Variants in PIP observed in about 807,000 individuals in gnomAD.
PIP encodes the protein prolactin induced protein, also known as prolactin-inducible protein.
PIP carries 9 observed loss-of-function variants against 12.8 expected under a neutral mutation model. The observed-to-expected ratio is 0.70, with a 90% confidence interval of 0.42 to 1.23. The LOEUF is 1.23. PIP is among the 50% of genes most tolerant of loss of function. PIP has a pLI of 0.00. For synonymous variants in PIP, 60 were observed against 66.1 expected, an observed-to-expected ratio of 0.91 and a Z score of 0.45; for missense variants, 172 against 179.5, an observed-to-expected ratio of 0.96 and a Z score of 0.24.
intron 2 of PIP, among the ~76,000 whole-genome samples, chr7:143,138,187 T>C (rs1322747246): frequency 6.6e-6 from 1 of 152,122 alleles, no homozygotes; most frequent in African/African-American, 2.4e-5. Flanking sequence ...CGTGCAATGA[T>C]ATGTACATAT....
chr7:143,134,224 AT>A lies in PIP; in HGVS notation c.96-969del, dbSNP rs1563015847. Among the ~76,000 whole-genome samples, 562 of 102,444 alleles carry A rather than the reference AT, an allele frequency of 5.5e-3. 12 individuals carry two copies. Among genetic ancestry groups the A allele is most frequent in the African/African-American group, 0.016 (422 of 25,700 alleles). 67.2% of individuals were successfully genotyped at this position (102,444 alleles called of 152,430 possible). On this transcript the variant is annotated intron_variant, in intron 1 of 3. Transcript: ENST00000291009. ...TATATATATATATATATATATATATATATATATATACCACAGTTTCTTTATC... is the reference window on the plus strand; with the variant it reads ...TATATATATATATATATATATATATAATATATATACCACAGTTTCTTTATC...
intron 1 of PIP, among the ~76,000 whole-genome samples, chr7:143,133,634 A>G (rs1388249937): frequency 1.3e-5 from 2 of 151,932 alleles, no homozygotes; most frequent in African/African-American, 4.8e-5. Flanking sequence ...ATTGCAGTGT[A>G]TGGTCTAAAT....
intron 2 of PIP, among the ~76,000 whole-genome samples, chr7:143,137,455 T>C (rs909187109): frequency 2.6e-5 from 4 of 152,158 alleles, no homozygotes; most frequent in Non-Finnish European, 5.9e-5. Context: ...TGATGGATGT[T>C]GTTACTTAGC....
rs1563015856 is a variant in PIP at position 143,134,226 on chromosome 7, AT to A, written c.96-967del. Among the ~76,000 whole-genome samples, 361 of 99,194 alleles carry A rather than the reference AT, an allele frequency of 3.6e-3. 7 individuals are homozygous for A. The highest frequency in any genetic ancestry group is 4.6e-3 in the African/African-American group (115 of 24,914). 65.1% of individuals were successfully genotyped at this position (99,194 alleles called of 152,430 possible). A position where few individuals can be genotyped will look rare whatever the true frequency, so the allele number is the denominator to read the frequency against. The stretch of plus-strand genomic sequence containing the variant: ...TATATATATATATATATATATATAT[AT>A]ATATATACCACAGTTTCTTTATCCA... On this transcript the variant is annotated intron_variant, in intron 1 of 3. Transcript: ENST00000291009.
chr7:143,134,202 AT>A (rs1799276121), intron 1 of PIP, among the ~76,000 whole-genome samples: 1 of 90,894 alleles, frequency 1.1e-5, no homozygotes, highest in African/African-American at 4.3e-5. Context: ...ATATATATAT[AT>A]ATATATATAT....
intron 2 of PIP, among the ~76,000 whole-genome samples, chr7:143,137,236 G>GA (rs1270148300): frequency 6.6e-6 from 1 of 152,030 alleles, no homozygotes; most frequent in Non-Finnish European, 1.5e-5. Context: ...TGAAGTTTAT[G>GA]AAACATTTAT....
intron 1 of PIP, among the ~76,000 whole-genome samples, chr7:143,133,547 G>A (rs1480176076): frequency 6.6e-6 from 1 of 151,966 alleles, no homozygotes; most frequent in Non-Finnish European, 1.5e-5. Flanking sequence ...TAACTCTCCT[G>A]GCCCCGAACC....
At chr7:143,138,234 T>G (rs1002819588) in intron 2 of PIP, among the ~76,000 whole-genome samples, 2 of 152,140 alleles carry the variant, frequency 1.3e-5, no homozygotes, top group Non-Finnish European at 2.9e-5. Context: ...CACATACTGC[T>G]AATGGCACTG....
chr7:143,134,922 G>A (rs999176744), intron 1 of PIP, among the ~76,000 whole-genome samples: 6 of 152,020 alleles, frequency 3.9e-5, no homozygotes, highest in African/African-American at 1.4e-4. Flanking sequence ...CCAGTAGTGG[G>A]ATTGCTGGAT....
Position 143,134,183 on chromosome 7 carries a change from CAT to C in PIP, c.96-961_96-960del, listed in dbSNP as rs60656573. Among the ~76,000 whole-genome samples, 221 of 41,576 alleles carry C rather than the reference CAT, an allele frequency of 5.3e-3. 1 individual carries two copies. Among genetic ancestry groups the C allele is most frequent in the Admixed American group, 6.2e-3 (18 of 2,886 alleles). The allele number at this position is 41,576 out of a possible 152,430, so 27.3% of individuals were successfully genotyped here. A position where few individuals can be genotyped will look rare whatever the true frequency, so the allele number is the denominator to read the frequency against. On this transcript the variant is annotated intron_variant, in intron 1 of 3. Transcript: ENST00000291009. ...TTATGGCTGAGTAGTAGTATTCCATCATATATATATATATATATATATATATA... is the reference window on the plus strand; with the variant it reads ...TTATGGCTGAGTAGTAGTATTCCATCATATATATATATATATATATATATA...
chr7:143,134,209 T>TATATATATAC (rs1799276493), intron 1 of PIP, among the ~76,000 whole-genome samples: 1 of 128,228 alleles, frequency 7.8e-6, no homozygotes, highest in Non-Finnish European at 1.7e-5. Flanking sequence ...TATATATATA[T>TATATATATAC]ATATATATAT....
Position 143,134,183 on chromosome 7 carries a change from CATAT to C in PIP, c.96-963_96-960del, listed in dbSNP as rs60656573. Among the ~76,000 whole-genome samples, 323 of 41,548 alleles carry C rather than the reference CATAT, an allele frequency of 7.8e-3. 3 individuals carry two copies. The highest frequency in any genetic ancestry group is 0.015 in the Middle Eastern group (1 of 68). 27.3% of individuals were successfully genotyped at this position (41,548 alleles called of 152,430 possible). On this transcript the variant is annotated intron_variant, in intron 1 of 3. Coordinates refer to ENST00000291009, the MANE Select transcript of PIP (RefSeq NM_002652.3). ...TTATGGCTGAGTAGTAGTATTCCAT[CATAT>C]ATATATATATATATATATATATATA... is the stretch of plus-strand genomic sequence containing the variant.
chr7:143,138,164 G>A (rs1457261804), intron 2 of PIP, among the ~76,000 whole-genome samples: 3 of 152,034 alleles, frequency 2.0e-5, no homozygotes, highest in South Asian at 2.1e-4. Context: ...GCTGTATTTC[G>A]GACCTCTGGA....
chr7:143,132,502 C>G (rs1416200861), intron 1 of PIP, among the ~76,000 whole-genome samples: 1 of 152,102 alleles, frequency 6.6e-6, no homozygotes, highest in African/African-American at 2.4e-5. Flanking sequence ...TGATCCACAT[C>G]TTGTTCATAA....
At chr7:143,132,844 AAGT>A (rs2116564887) in intron 1 of PIP, among the ~76,000 whole-genome samples, 1 of 152,094 alleles carries the variant, frequency 6.6e-6, no homozygotes, top group East Asian at 1.9e-4. Context: ...AAGTAAAATA[AAGT>A]AGAAAATGGA....
chr7:143,133,134 T>G (rs1799261960), intron 1 of PIP, among the ~76,000 whole-genome samples: 1 of 151,914 alleles, frequency 6.6e-6, no homozygotes, highest in Non-Finnish European at 1.5e-5. Flanking sequence ...GGTATTCAAA[T>G]AAGCTATGCT....
chr7:143,139,438 G>A, intron 3 of PIP, 80 bp from the exon 4 acceptor site: 1 of 1,540,312 alleles, frequency 6.5e-7, no homozygotes. Context: ...AACCCCAGGG[G>A]GCAGATGCCT....
chr7:143,135,066 C>T (rs1308778486), intron 1 of PIP, 128 bp from the exon 2 acceptor site: 34 of 515,610 alleles, frequency 6.6e-5, no homozygotes, highest in Non-Finnish European at 8.2e-5. Flanking sequence ...CAATGCTGAA[C>T]AATTGATCCA....
At chr7:143,135,126 A>G in intron 1 of PIP, 68 bp from the exon 2 acceptor site, 1 of 792,680 alleles carries the variant, frequency 1.3e-6, no homozygotes, top group South Asian at 1.5e-5. Context: ...TGCCCTGTTC[A>G]TGGCTCCCCC....
Sources: allele counts gnomAD v4.1 joint callset (sites outside exome capture counted in the v4.1 genomes callset), GRCh38; gene constraint gnomAD v4.1.1; transcripts MANE v1.5; gene names NCBI Gene and HGNC (gene_info 2026-07-23, HGNC 2026-07-21).